ZC3H14: variants seen among roughly 807,000 people sequenced by gnomAD.
The protein encoded by ZC3H14 is zinc finger CCCH domain-containing protein 14.
ZC3H14 carries 31 observed loss-of-function variants against 92.4 expected under a neutral mutation model. The observed-to-expected ratio is 0.34, with a 90% CI of 0.25 to 0.45. The LOEUF is 0.45. ZC3H14 is among the 20% of genes least tolerant of loss of function. The probability of loss-of-function intolerance (pLI) is 1.00; values close to 1 mark genes in which losing one functional copy is unlikely to be tolerated. For synonymous variants in ZC3H14, 321 were observed against 300.9 expected, an observed-to-expected ratio of 1.07 and a Z score of -0.69; for missense variants, 781 against 897.3, an observed-to-expected ratio of 0.87 and a Z score of 1.66.
chr14:88,574,806 A>C lies in ZC3H14; in HGVS notation c.975A>C (p.Thr325=). Residue 325 remains threonine (T), a synonymous_variant, in exon 7 of 17, where the codon ACA becomes ACC. Coordinates refer to ENST00000251038, the MANE Select transcript of ZC3H14 (RefSeq NM_024824.5). ...EEEDDDYGSR[T]GSISSSVSVP... ...AAGATGATGATTACGGGTCTCGAAC[A>C]GGAAGCATCTCCAGCAGTGTGTCTG... 6.2e-7 allele frequency: 1 copy of C among 1,614,258 alleles called. No homozygotes were observed. Among genetic ancestry groups the C allele is most frequent in the South Asian group, 1.1e-5 (1 of 91,086 alleles).
chr14:88,566,069 G>A (rs1001007663), intron 2 of ZC3H14, among the ~76,000 whole-genome samples: 7 of 111,132 alleles, frequency 6.3e-5, no homozygotes, highest in Non-Finnish European at 1.1e-4. Flanking sequence ...TAGTGGAGAC[G>A]GTGTTTCACC....
In ZC3H14 at chr14:88,616,259, G is replaced by C. The variant is rs774738767; in HGVS notation, c.*4508G>C. Reference sequence around the variant, plus strand: ...GTGTTTTGCCTAAAAAACAATGACAGACAAGCTCAGGGCATTTGGTGCACA... The same window carrying C: ...GTGTTTTGCCTAAAAAACAATGACACACAAGCTCAGGGCATTTGGTGCACA... On this transcript the variant is annotated 3_prime_UTR_variant, in exon 17 of 17. Transcript: ENST00000251038. 1.3e-5 allele frequency: 21 copies of C among 1,611,660 alleles called. No homozygotes were observed. Among genetic ancestry groups the C allele is most frequent in the Admixed American group, 3.3e-5 (2 of 60,016 alleles).
intron 7 of ZC3H14, 124 bp downstream of exon 7, chr14:88,574,977 A>T (rs139190501): frequency 6.9e-7 from 1 of 1,451,660 alleles, no homozygotes; most frequent in Non-Finnish European, 9.4e-7. Context: ...CGCTCTGTCA[A>T]CCAGGCTGGA....
rs1407142404 is a variant in ZC3H14, at chr14:88,611,868, T to G, written c.*117T>G. The G allele has an allele frequency of 1.1e-5, 16 of 1,421,062 alleles. No individual in the cohort carries two copies. The Admixed American group carries it at 1.5e-4, about 13-fold the overall frequency. 88.0% of individuals were successfully genotyped at this position (1,421,062 alleles called of 1,614,324 possible). On this transcript the variant is annotated 3_prime_UTR_variant, in exon 17 of 17. Coordinates refer to ENST00000251038, the MANE Select transcript of ZC3H14 (RefSeq NM_024824.5). ...CTTGGAATATATTGCTTTCATAATA[T>G]GAAGTTTTATTGCCTATCTATCTGA...
rs969048056 is a variant in ZC3H14, at chr14:88,625,325, A to G, written c.*13574A>G. 1.8e-5 allele frequency: 10 copies of G among 552,322 alleles called. No individual in the cohort carries two copies. In the Admixed American group the frequency reaches 3.4e-4, roughly 19 times the overall value. The allele number at this position is 552,322 out of a possible 1,614,324, so 34.2% of individuals were successfully genotyped here. A position where few individuals can be genotyped will look rare whatever the true frequency, so the allele number is the denominator to read the frequency against. On this transcript the variant is annotated 3_prime_UTR_variant, in exon 17 of 17. Coordinates refer to ENST00000251038, the MANE Select transcript of ZC3H14 (RefSeq NM_024824.5). ...GCTTTGTCAGGACCTTTTCCTTTCC[A>G]AGTCTGTTGCTTATTAGCTAGAATA...
intron 8 of ZC3H14, among the ~76,000 whole-genome samples, chr14:88,576,567 G>A (rs59059672): frequency 6.6e-6 from 1 of 152,178 alleles, no homozygotes; most frequent in African/African-American, 2.4e-5. Context: ...CAACTGATGG[G>A]TGTCATTTTG....
chr14:88,566,937 AAG>A (rs1223992570), intron 2 of ZC3H14, among the ~76,000 whole-genome samples: 3 of 151,610 alleles, frequency 2.0e-5, no homozygotes, highest in East Asian at 1.9e-4. Context: ...AAAAAAAAAA[AAG>A]AGAACTGGAA....
At chr14:88,585,514 T>G (rs755583019) in intron 9 of ZC3H14, among the ~76,000 whole-genome samples, 2 of 151,936 alleles carry the variant, frequency 1.3e-5, no homozygotes, top group Non-Finnish European at 2.9e-5. Context: ...GTAGCTGGGA[T>G]TATAGACGCC....
At position 88,572,802 on chromosome 14, in the gene ZC3H14, C is replaced by T; in HGVS notation, c.656C>T (p.Ala219Val). 1.2e-6 allele frequency: 2 copies of T among 1,614,178 alleles called. No individual in the cohort carries two copies. Among genetic ancestry groups the T allele is most frequent in the Non-Finnish European group, 1.7e-6 (2 of 1,180,030 alleles). Residue 219 changes from alanine to valine, a missense_variant, in exon 6 of 17, where the codon GCA becomes GTA. Ala to Val is a moderately conservative substitution (Grantham distance 64). This residue lies in a region of ZC3H14 where 454 missense variants were observed against 438.5 expected (regional missense o/e 1.04). Coordinates refer to ENST00000251038, the MANE Select transcript of ZC3H14 (RefSeq NM_024824.5). ...TCTATTGAAATTTATCGACCACCTG[C>T]AAGTAGAAATGCAGATAGTGGTGTT... The part of the protein sequence containing the change: ...RPSIEIYRPP[A>V]SRNADSGVHL...
chr14:88,571,418 A>G (rs936287543), intron 4 of ZC3H14, among the ~76,000 whole-genome samples: 3 of 152,206 alleles, frequency 2.0e-5, no homozygotes, highest in African/African-American at 7.2e-5. Flanking sequence ...ACAATTTAAA[A>G]GTTCAGTCAT....
Position 88,618,307 on chromosome 14 carries a change from G to C in ZC3H14, c.*6556G>C, listed in dbSNP as rs917924960. 6.2e-7 allele frequency: 1 copy of C among 1,613,684 alleles called. No individual in the cohort carries two copies. Among genetic ancestry groups the C allele is most frequent in the East Asian group, 2.2e-5 (1 of 44,856 alleles). Reference sequence around the variant, plus strand: ...TTTCCTGAAGGCACTTCATAGACATGCCGTTTATAGCAGCCACTAGAGACC... The same window carrying C: ...TTTCCTGAAGGCACTTCATAGACATCCCGTTTATAGCAGCCACTAGAGACC... On this transcript the variant is annotated 3_prime_UTR_variant, in exon 17 of 17. Coordinates refer to ENST00000251038, the MANE Select transcript of ZC3H14 (RefSeq NM_024824.5).
At chr14:88,602,729 A>C in intron 11 of ZC3H14, 99 bp from the exon 12 acceptor site, 1 of 1,304,194 alleles carries the variant, frequency 7.7e-7, no homozygotes, top group Non-Finnish European at 1.1e-6. Flanking sequence ...ACCAAACGCA[A>C]AGCCAAGGGA....
chr14:88,603,628 G>A (rs547161947), intron 12 of ZC3H14, among the ~76,000 whole-genome samples: 100 of 152,222 alleles, frequency 6.6e-4, no homozygotes, highest in African/African-American at 2.3e-3. Context: ...CTTTCACTGG[G>A]TATCAGTGGT....
intron 9 of ZC3H14, among the ~76,000 whole-genome samples, chr14:88,581,987 T>C (rs2081962998): frequency 6.6e-6 from 1 of 152,262 alleles, no homozygotes; most frequent in African/African-American, 2.4e-5. Context: ...AGTTGGCATC[T>C]GTTGGAACCA....
At chr14:88,608,119 C>T (rs1427321695) in intron 13 of ZC3H14, 1 of 388,462 alleles carries the variant, frequency 2.6e-6, no homozygotes, top group African/African-American at 3.2e-5. Context: ...AAGTGAGTAC[C>T]ATCCCCCCAT....
rs1416342098 is a variant in ZC3H14, at chr14:88,618,489, C to A, written c.*6738C>A. 8 of 1,090,162 alleles carry A rather than the reference C, an allele frequency of 7.3e-6. No individual in the cohort carries two copies. Among genetic ancestry groups the A allele is most frequent in the Non-Finnish European group, 1.0e-5 (8 of 763,572 alleles). 67.5% of individuals were successfully genotyped at this position (1,090,162 alleles called of 1,614,324 possible). On this transcript the variant is annotated 3_prime_UTR_variant, in exon 17 of 17. Coordinates refer to ENST00000251038, the MANE Select transcript of ZC3H14 (RefSeq NM_024824.5). ...ACAAAAACTTAATAGGAGAAAAGCTCTGATAAGTGGGGGAGGAAAGGGGAG... is the reference window on the plus strand; with the variant it reads ...ACAAAAACTTAATAGGAGAAAAGCTATGATAAGTGGGGGAGGAAAGGGGAG...
At chr14:88,607,836 C>A (rs1195625685) in intron 13 of ZC3H14, among the ~76,000 whole-genome samples, 1 of 139,568 alleles carries the variant, frequency 7.2e-6, no homozygotes, top group East Asian at 2.3e-4. Flanking sequence ...TACCATCCCC[C>A]ACCTCAGCCT....
rs1871586787 is a variant in ZC3H14, at chr14:88,621,360, A to G, written c.*9609A>G. The G allele has an allele frequency of 1.3e-6, 2 of 1,598,320 alleles. No homozygotes were observed. Among genetic ancestry groups the G allele is most frequent in the Non-Finnish European group, 8.6e-7 (1 of 1,168,186 alleles). ...AATACAACAGCTGCTTTTCTTCTTC[A>G]TAATATAAAAATGACCCTATTGACC... On this transcript the variant is annotated 3_prime_UTR_variant, in exon 17 of 17. Coordinates refer to ENST00000251038, the MANE Select transcript of ZC3H14 (RefSeq NM_024824.5).
rs201554640 is a variant in ZC3H14, at chr14:88,572,006, A to C, written c.236-24A>C. 1.9e-6 allele frequency: 3 copies of C among 1,544,376 alleles called. No homozygotes were observed. In the East Asian group the frequency reaches 6.8e-5, roughly 35 times the overall value. On this transcript the variant is annotated intron_variant, in intron 4 of 16. Transcript: ENST00000251038. ...AAAAATAAGAAATAAAAATAGATTA[A>C]AAGGACTGTATTTTTCTTTTCAGAA...
Sources: allele counts gnomAD v4.1 joint callset (sites outside exome capture counted in the v4.1 genomes callset), GRCh38; gene constraint gnomAD v4.1.1; regional missense constraint gnomAD v4.1.1; transcripts MANE v1.5; gene names NCBI Gene and HGNC (gene_info 2026-07-23, HGNC 2026-07-21).